Variants in ASPRV1 observed in about 807,000 individuals in gnomAD.
ASPRV1 encodes retroviral-like aspartic protease 1.
In ASPRV1, 7 loss-of-function variants were observed where a neutral mutation model predicts 11.0. The ratio of observed to expected loss-of-function variants is 0.64; its 90% CI spans 0.36 to 1.20. The LOEUF (loss-of-function observed/expected upper bound fraction) is 1.20. ASPRV1 is among the 50% of genes most tolerant of loss of function. The pLI is 0.02. For missense variants in ASPRV1, 299 were observed against 320.0 expected, an observed-to-expected ratio of 0.93 and a Z score of 0.50; for synonymous variants, 136 against 138.4, an observed-to-expected ratio of 0.98 and a Z score of 0.12.
At chr2:69,999,330 A>C in the ASPRV1 span, among the ~76,000 whole-genome samples, 110 of 152,246 alleles carry the variant, frequency 7.2e-4, no homozygotes, top group African/African-American at 2.4e-3. Flanking sequence ...ATTTGTGTGA[A>C]TATATTAATA....
the ASPRV1 span, among the ~76,000 whole-genome samples, chr2:69,982,107 C>G: frequency 3.9e-5 from 6 of 152,042 alleles, no homozygotes; most frequent in African/African-American, 1.5e-4. Context: ...GGCACAAGAG[C>G]TGCAATGCTC....
the ASPRV1 span, among the ~76,000 whole-genome samples, chr2:69,946,148 C>T: frequency 1.1e-4 from 16 of 152,306 alleles, no homozygotes; most frequent in South Asian, 3.1e-3. Context: ...ACATCCAACA[C>T]ACTCGCCTTG....
At chr2:69,966,330 C>A (rs963204799), upstream of ASPRV1, among the ~76,000 whole-genome samples, 3 of 152,276 alleles carry the variant, frequency 2.0e-5, no homozygotes, top group Non-Finnish European at 2.9e-5. Flanking sequence ...TGGGTTTCTG[C>A]CTTTTTCCCA....
chr2:70,034,209 GCTAT>G, the ASPRV1 span, among the ~76,000 whole-genome samples: 1 of 149,940 alleles, frequency 6.7e-6, no homozygotes, highest in Non-Finnish European at 1.5e-5. Flanking sequence ...TAAGACACTG[GCTAT>G]CTTTTATTTA....
At chr2:70,042,969 C>A in the ASPRV1 span, among the ~76,000 whole-genome samples, 1 of 152,258 alleles carries the variant, frequency 6.6e-6, no homozygotes, top group Admixed American at 6.5e-5. Context: ...AGGGTGGAGG[C>A]ATCTATAAAC....
the ASPRV1 span, among the ~76,000 whole-genome samples, chr2:70,035,680 A>G: frequency 6.6e-6 from 1 of 150,630 alleles, no homozygotes; most frequent in African/African-American, 2.4e-5. Context: ...TGTTTATGCT[A>G]TCTGAATGAG....
chr2:69,991,147 G>A, the ASPRV1 span, among the ~76,000 whole-genome samples: 1 of 152,084 alleles, frequency 6.6e-6, no homozygotes, highest in Admixed American at 6.5e-5. Flanking sequence ...CCTTCCTCTT[G>A]GTGACCTGCC....
the ASPRV1 span, among the ~76,000 whole-genome samples, chr2:69,947,323 T>G: frequency 2.6e-5 from 4 of 152,162 alleles, no homozygotes; most frequent in Non-Finnish European, 5.9e-5. Flanking sequence ...GGAAAAGTAT[T>G]CTTTTGGAAC....
chr2:70,026,480 G>T, the ASPRV1 span, among the ~76,000 whole-genome samples: 1 of 150,882 alleles, frequency 6.6e-6, no homozygotes, highest in Admixed American at 6.6e-5. Flanking sequence ...AAAACTGTTA[G>T]AAGTCAACAA....
the ASPRV1 span, among the ~76,000 whole-genome samples, chr2:69,991,014 C>T: frequency 1.3e-5 from 2 of 152,228 alleles, no homozygotes; most frequent in African/African-American, 4.8e-5. Flanking sequence ...CCTCCTCAAA[C>T]GTGGCCTGCT....
At chr2:69,953,734 G>A in the ASPRV1 span, among the ~76,000 whole-genome samples, 381 of 151,912 alleles carry the variant, frequency 2.5e-3, 1 homozygote, top group Non-Finnish European at 4.3e-3. Context: ...TTGAGAGCAA[G>A]TCTCACTCTG....
the ASPRV1 span, chr2:70,086,503 G>C: frequency 6.6e-6 from 1 of 151,640 alleles, no homozygotes; most frequent in East Asian, 1.9e-4. Flanking sequence ...AAGATGGCGG[G>C]CCCTGACGGG....
At chr2:70,086,498 G>T in the ASPRV1 span, 1 of 151,834 alleles carries the variant, frequency 6.6e-6, no homozygotes, top group Non-Finnish European at 1.5e-5. Context: ...CTTCCAAGAT[G>T]GCGGGCCCTG....
At chr2:70,086,650 A>G in the ASPRV1 span, among the ~76,000 whole-genome samples, 1 of 152,240 alleles carries the variant, frequency 6.6e-6, no homozygotes, top group African/African-American at 2.4e-5. Flanking sequence ...CGAGGCCTCC[A>G]CAGGCGTACA....
the ASPRV1 span, among the ~76,000 whole-genome samples, chr2:69,984,762 A>G: frequency 6.6e-6 from 1 of 151,692 alleles, no homozygotes; most frequent in Non-Finnish European, 1.5e-5. Flanking sequence ...CTGGGATTGC[A>G]GCCGCCTGGC....
chr2:69,945,618 G>T, the ASPRV1 span, among the ~76,000 whole-genome samples: 1 of 152,242 alleles, frequency 6.6e-6, no homozygotes, highest in Non-Finnish European at 1.5e-5. Flanking sequence ...GGCAGGGCAG[G>T]CTCTAACTGG....
the ASPRV1 span, among the ~76,000 whole-genome samples, chr2:69,949,902 G>A: frequency 5.3e-5 from 8 of 152,110 alleles, no homozygotes; most frequent in East Asian, 1.9e-4. Context: ...TGCAACCTCC[G>A]CCTCCCGGGT....
At chr2:70,000,009 C>T in the ASPRV1 span, among the ~76,000 whole-genome samples, 8 of 152,210 alleles carry the variant, frequency 5.3e-5, no homozygotes, top group Non-Finnish European at 1.2e-4. Flanking sequence ...CCTGCCACAT[C>T]TGCACTCTGG....
At chr2:70,067,936 C>A in the ASPRV1 span, among the ~76,000 whole-genome samples, 1 of 152,184 alleles carries the variant, frequency 6.6e-6, no homozygotes, top group Non-Finnish European at 1.5e-5. Flanking sequence ...CAAAGGTCAT[C>A]TTTTGCTTCA....
Sources: gnomAD v4.1 joint callset for allele counts (sites outside exome capture counted in the v4.1 genomes callset) on GRCh38, gnomAD v4.1.1 for gene constraint, MANE v1.5 for transcripts, NCBI Gene and HGNC (gene_info 2026-07-23, HGNC 2026-07-21) for gene names.